The following CDH13 variants were observed in gnomAD, a reference collection of about 807,000 sequenced individuals.
CDH13 encodes cadherin 13.
Under a neutral mutation model 63.8 loss-of-function variants are expected in CDH13, and 24 were observed. That is an observed-to-expected ratio of 0.38 (90% confidence interval 0.27 to 0.53). CDH13 has a LOEUF of 0.53. Among genes scored for constraint, CDH13 ranks in the 20% least tolerant of loss-of-function variants. The pLI, the probability that CDH13 is intolerant of heterozygous loss-of-function variation, is 0.85. For synonymous variants in CDH13, 503 were observed against 355.3 expected (o/e 1.42, Z -4.67); for missense variants, 1,049 against 903.1 (o/e 1.16, Z -2.07).
intron 7 of CDH13, among the ~76,000 whole-genome samples, chr16:83,566,207 G>A (rs890943897): frequency 2.6e-5 from 4 of 152,074 alleles, no homozygotes; most frequent in Non-Finnish European, 5.9e-5. Flanking sequence ...CAGCCCAGTT[G>A]CTTCTGCTTG....
intron 1 of CDH13, among the ~76,000 whole-genome samples, chr16:82,740,221 A>G (rs2033867214): frequency 6.6e-6 from 1 of 152,232 alleles, no homozygotes; most frequent in African/African-American, 2.4e-5. Flanking sequence ...CCATCCCAAC[A>G]GAATCAATAG....
intron 5 of CDH13, among the ~76,000 whole-genome samples, chr16:83,225,158 C>A (rs1057030144): frequency 6.6e-6 from 1 of 152,168 alleles, no homozygotes; most frequent in African/African-American, 2.4e-5. Context: ...TCCTGACGCT[C>A]ACTGTAGTTG....
chr16:82,651,249 C>T (rs1910688708), intron 1 of CDH13, among the ~76,000 whole-genome samples: 1 of 152,162 alleles, frequency 6.6e-6, no homozygotes, highest in African/African-American at 2.4e-5. Flanking sequence ...ATCAGGCACC[C>T]AGCTAAGTAC....
At position 83,605,614 on chromosome 16, in the gene CDH13, C is replaced by G. The variant is rs894043207; in HGVS notation, c.1101+3020C>G. On this transcript the variant is annotated intron_variant, in intron 8 of 13. Coordinates refer to ENST00000567109, the MANE Select transcript of CDH13 (RefSeq NM_001257.5). ...AAGAACCTAGATAGTGCCTGTCGCCCAGTATTTTCTAAAGTATAGAGATGA... is the reference window on the plus strand; with the variant it reads ...AAGAACCTAGATAGTGCCTGTCGCCGAGTATTTTCTAAAGTATAGAGATGA... Among the ~76,000 whole-genome samples, 107 of 152,184 alleles carry G rather than the reference C, an allele frequency of 7.0e-4. 1 individual carries two copies. The highest frequency in any genetic ancestry group is 2.9e-5 in the Non-Finnish European group (2 of 68,020).
intron 2 of CDH13, among the ~76,000 whole-genome samples, chr16:82,927,581 C>G (rs1296523618): frequency 6.6e-6 from 1 of 152,190 alleles, no homozygotes; most frequent in Non-Finnish European, 1.5e-5. Flanking sequence ...CTGGGAAACT[C>G]CAGCTTACAT....
At chr16:82,719,934 G>T (rs1404783468) in intron 1 of CDH13, among the ~76,000 whole-genome samples, 1 of 151,670 alleles carries the variant, frequency 6.6e-6, no homozygotes, top group African/African-American at 2.4e-5. Flanking sequence ...TGACTTTCAG[G>T]GAAATGAAAT....
chr16:83,580,197 T>G (rs1454142350), intron 7 of CDH13, among the ~76,000 whole-genome samples: 1 of 151,858 alleles, frequency 6.6e-6, no homozygotes, highest in East Asian at 1.9e-4. Context: ...TGTAGCAGAG[T>G]GATTGGCATT....
chr16:83,659,786 T>A (rs920936935), intron 8 of CDH13, among the ~76,000 whole-genome samples: 2 of 45,694 alleles, frequency 4.4e-5, no homozygotes, highest in African/African-American at 2.6e-4. Flanking sequence ...GTCCACAACC[T>A]TTTTTTTTTT....
chr16:83,285,167 A>C (rs1410029071), intron 5 of CDH13, among the ~76,000 whole-genome samples: 1 of 152,150 alleles, frequency 6.6e-6, no homozygotes, highest in African/African-American at 2.4e-5. Flanking sequence ...GATTCTTGGC[A>C]AGAGAGAAAA....
At chr16:83,174,418 T>C (rs1252928127) in intron 4 of CDH13, among the ~76,000 whole-genome samples, 1 of 152,016 alleles carries the variant, frequency 6.6e-6, no homozygotes, top group Non-Finnish European at 1.5e-5. Flanking sequence ...TGTTTCAGAA[T>C]TACTTAGAGC....
intron 6 of CDH13, among the ~76,000 whole-genome samples, chr16:83,401,846 A>G (rs1030628139): frequency 2.6e-5 from 4 of 152,172 alleles, no homozygotes; most frequent in African/African-American, 7.2e-5. Flanking sequence ...TCTCTGAGCC[A>G]AGAACCTAGC....
At chr16:83,085,018 A>G (rs927921549) in intron 3 of CDH13, among the ~76,000 whole-genome samples, 12 of 152,196 alleles carry the variant, frequency 7.9e-5, no homozygotes, top group Non-Finnish European at 1.8e-4. Flanking sequence ...CCTCTACTTC[A>G]TCTCAGCATC....
At chr16:83,620,859 G>A (rs1316938128) in intron 8 of CDH13, among the ~76,000 whole-genome samples, 2 of 152,132 alleles carry the variant, frequency 1.3e-5, no homozygotes, top group African/African-American at 4.8e-5. Flanking sequence ...CAATTGTGTC[G>A]TGAGTTTCTG....
intron 5 of CDH13, among the ~76,000 whole-genome samples, chr16:83,297,194 T>C (rs1165376509): frequency 6.6e-6 from 1 of 152,160 alleles, no homozygotes; most frequent in African/African-American, 2.4e-5. Context: ...TTCATTATTA[T>C]ATTGTGTATC....
At chr16:83,768,369 C>A (rs1914539570) in intron 11 of CDH13, among the ~76,000 whole-genome samples, 1 of 152,142 alleles carries the variant, frequency 6.6e-6, no homozygotes, top group South Asian at 2.1e-4. Flanking sequence ...CAAAAAAACA[C>A]ACACACAAAT....
At chr16:83,668,617 G>T (rs114374072) in intron 8 of CDH13, among the ~76,000 whole-genome samples, 1 of 152,170 alleles carries the variant, frequency 6.6e-6, no homozygotes, top group Non-Finnish European at 1.5e-5. Context: ...GCTCTGGACC[G>T]CAGCAAGAGG....
intron 4 of CDH13, among the ~76,000 whole-genome samples, chr16:83,141,538 A>G (rs192708221): frequency 3.3e-4 from 51 of 152,254 alleles, no homozygotes; most frequent in African/African-American, 1.2e-3. Flanking sequence ...TCTGGGATAC[A>G]TGTGCAGAAT....
At chr16:83,715,122 C>A (rs1011673452) in intron 10 of CDH13, among the ~76,000 whole-genome samples, 11 of 152,166 alleles carry the variant, frequency 7.2e-5, no homozygotes, top group Non-Finnish European at 1.2e-4. Flanking sequence ...AATACCCCCA[C>A]CTTATTCCAC....
chr16:83,115,303 T>C (rs1418757264), intron 3 of CDH13, among the ~76,000 whole-genome samples: 1 of 152,156 alleles, frequency 6.6e-6, no homozygotes, highest in Non-Finnish European at 1.5e-5. Flanking sequence ...ATGGATTAAG[T>C]GAGATAATCA....
Sources: allele counts gnomAD v4.1 joint callset (sites outside exome capture counted in the v4.1 genomes callset), GRCh38; gene constraint gnomAD v4.1.1; transcripts MANE v1.5; gene names NCBI Gene and HGNC (gene_info 2026-07-23, HGNC 2026-07-21).